KANK3: variants seen among roughly 807,000 people sequenced by gnomAD.
The protein encoded by KANK3 is KN motif and ankyrin repeat domain-containing protein 3.
KANK3 carries 61 observed loss-of-function variants against 65.4 expected under a neutral mutation model. The observed-to-expected ratio is 0.93, with a 90% CI of 0.76 to 1.15. The LOEUF is 1.15. Among genes scored for constraint, KANK3 ranks in the 50% most tolerant of loss-of-function variants. KANK3 has a pLI of 0.00. For missense variants in KANK3, 1,187 were observed against 1,178.8 expected (o/e 1.01, Z -0.10); for synonymous variants, 586 against 543.3 (o/e 1.08, Z -1.09).
rs1970567671 is a variant in KANK3, at chr19:8,333,513, G to C, written c.1719+211C>G. 6.6e-6 allele frequency among the ~76,000 whole-genome samples: 1 copy of C among 152,242 alleles called. No individual in the cohort carries two copies. The highest frequency in any genetic ancestry group is 1.5e-5 in the Non-Finnish European group (1 of 68,036). ...AAGGCAATGAACGCTTGCCCTTGGGGAGTCCGGGAGTGGGGCTGGGGCCGG... is the reference window on the plus strand; with the variant it reads ...AAGGCAATGAACGCTTGCCCTTGGGCAGTCCGGGAGTGGGGCTGGGGCCGG... On this transcript the variant is annotated intron_variant, in intron 6 of 10. Transcript: ENST00000330915. This position sits in a 1 kb window ranked among gnomAD's most constrained non-coding sequence, Gnocchi z 5.0.
rs560711947 is a variant in KANK3, at chr19:8,324,485, T to C, written c.2346A>G (p.Leu782=). 1 of 1,611,856 alleles carries C rather than the reference T, an allele frequency of 6.2e-7. No homozygotes were observed. The highest frequency in any genetic ancestry group is 2.2e-5 in the East Asian group (1 of 44,732). ...EAEQDEVAAL[L]HAHLSSGQPD... ...GCTGGCCCGAGCTCAGGTGGGCATG[T>C]AGCAGAGCGGCCACCTCATCCTGCT... The change falls in exon 10 of 11, where the codon CTA becomes CTG. Residue 782 remains leucine (L), a synonymous_variant. Coordinates refer to ENST00000330915, the MANE Select transcript of KANK3 (RefSeq NM_198471.3).
chr19:8,322,630 T>C lies in KANK3; in HGVS notation c.*209A>G, dbSNP rs1029965591. 1 of 592,538 alleles carries C rather than the reference T, an allele frequency of 1.7e-6. No homozygotes were observed. The highest frequency in any genetic ancestry group is 1.9e-5 in the African/African-American group (1 of 53,612). The allele number at this position is 592,538 out of a possible 1,614,324, so 36.7% of individuals were successfully genotyped here. ...AAAGAAGTTTCAGAGAGTGGGTGGA[T>C]CAGGGCTCTATCACTTGGTCCCCAC... is the stretch of plus-strand genomic sequence containing the variant. On this transcript the variant is annotated 3_prime_UTR_variant, in exon 11 of 11. Transcript: ENST00000330915.
rs774834269 is a variant in KANK3, at chr19:8,335,710, G to T, written c.117C>A (p.Pro39=). The T allele has an allele frequency of 5.6e-6, 7 of 1,251,904 alleles. No individual in the cohort carries two copies. The highest frequency in any genetic ancestry group is 1.5e-5 in the African/African-American group (1 of 64,518). The allele number at this position is 1,251,904 out of a possible 1,614,324, so 77.5% of individuals were successfully genotyped here. A position where few individuals can be genotyped will look rare whatever the true frequency, so the allele number is the denominator to read the frequency against. ...AGTCCAGGTCCAGGTGGAAGCCGTA[G>T]GGCGTCTCCACCGAGTAGGGCGAGC... ...SPSSPYSVET[P]YGFHLDLDFL... Residue 39 remains proline (P), a synonymous_variant, in exon 3 of 11, where the codon CCC becomes CCA. Coordinates refer to ENST00000330915, the MANE Select transcript of KANK3 (RefSeq NM_198471.3).
At position 8,334,574 on chromosome 19, in the gene KANK3, G is replaced by A. The variant is rs185143796; in HGVS notation, c.1253C>T (p.Pro418Leu). The change falls in exon 3 of 11, where the codon CCG becomes CTG. Residue 418 changes from proline to leucine, a missense_variant. Coordinates refer to ENST00000330915, the MANE Select transcript of KANK3 (RefSeq NM_198471.3). ...CAEKAAQTES[P>L]AEAPSLTQES... Reference sequence around the variant, plus strand: ...CTGAGTCAAGGAGGGCGCCTCTGCCGGGGACTCGGTCTGCGCGGCCTTTTC... The same window carrying A: ...CTGAGTCAAGGAGGGCGCCTCTGCCAGGGACTCGGTCTGCGCGGCCTTTTC... 145 of 1,596,964 alleles carry A rather than the reference G, an allele frequency of 9.1e-5. No individual in the cohort carries two copies. In the African/African-American group the frequency reaches 1.5e-3, roughly 17 times the overall value.
intron 1 of KANK3, 107 bp from the exon 2 acceptor site, chr19:8,337,963 G>A (rs967305716): frequency 1.4e-6 from 2 of 1,384,746 alleles, no homozygotes; most frequent in African/African-American, 3.1e-5. Context: ...CCTCCACCCA[G>A]CCACCTCCCT....
intron 7 of KANK3, among the ~76,000 whole-genome samples, 200 bp from the exon 8 acceptor site, chr19:8,325,296 CTTTT>C (rs573315741): frequency 5.3e-4 from 42 of 78,630 alleles, no homozygotes; most frequent in African/African-American, 1.7e-3. Flanking sequence ...CCTGTTTCAT[CTTTT>C]TTTTTTTTTT....
intron 1 of KANK3, 35 bp downstream of exon 1, chr19:8,343,190 T>TC (rs916041018): frequency 1.3e-5 from 2 of 151,080 alleles, no homozygotes; most frequent in African/African-American, 4.9e-5. Context: ...CACCCAGGGG[T>TC]CCCCCATCCG....
In KANK3 at chr19:8,333,259, CG is replaced by C. The variant is rs1568574691; in HGVS notation, c.1720-30del. 5.1e-6 allele frequency: 8 copies of C among 1,566,630 alleles called. No homozygotes were observed. Among genetic ancestry groups the C allele is most frequent in the Non-Finnish European group, 7.0e-6 (8 of 1,148,970 alleles). ...CAAGGGACAGGGGCCAAGATAACAT[CG>C]GCGATGGTCCACGGCGGCGCCGTGG... is the stretch of plus-strand genomic sequence containing the variant. On this transcript the variant is annotated intron_variant, in intron 6 of 10. Transcript: ENST00000330915. The surrounding 1 kb of genome is among the most constrained non-coding windows in gnomAD (Gnocchi z 5.0).
Position 8,333,886 on chromosome 19 carries a change from A to G in KANK3, c.1634+24T>C. 1 of 1,567,112 alleles carries G rather than the reference A, an allele frequency of 6.4e-7. No homozygotes were observed. Among genetic ancestry groups the G allele is most frequent in the South Asian group, 1.2e-5 (1 of 85,618 alleles). On this transcript the variant is annotated intron_variant, in intron 5 of 10. Transcript: ENST00000330915. This position sits in a 1 kb window ranked among gnomAD's most constrained non-coding sequence, Gnocchi z 5.0. Reference sequence around the variant, plus strand: ...GGAGGAGGGCAGCCGCCTCCTCTCCAAACAACTAGCGAGCGCCGCTCACCT... The same window carrying G: ...GGAGGAGGGCAGCCGCCTCCTCTCCGAACAACTAGCGAGCGCCGCTCACCT...
chr19:8,341,527 C>T (rs1009932045), intron 1 of KANK3, among the ~76,000 whole-genome samples: 4 of 152,190 alleles, frequency 2.6e-5, no homozygotes, highest in African/African-American at 9.6e-5. Flanking sequence ...TCTCCTGCCT[C>T]AGCCTCCCAA....
At chr19:8,341,524 C>A (rs1189062259) in intron 1 of KANK3, among the ~76,000 whole-genome samples, 1 of 152,142 alleles carries the variant, frequency 6.6e-6, no homozygotes, top group African/African-American at 2.4e-5. Context: ...GATTCTCCTG[C>A]CTCAGCCTCC....
At position 8,324,470 on chromosome 19, in the gene KANK3, G is replaced by T; in HGVS notation, c.2361C>A (p.Ser787Arg). The change falls in exon 10 of 11, where the codon AGC (serine) becomes AGA (arginine). Residue 787 changes from serine (S) to arginine (R), a missense_variant. This residue lies in a region of KANK3 where 1,078 missense variants were observed against 1,038.2 expected (regional missense o/e 1.04). Transcript: ENST00000330915. ...TCACCTGGGTGTCGGGCTGGCCCGA[G>T]CTCAGGTGGGCATGTAGCAGAGCGG... ...EVAALLHAHL[S>R]SGQPDTQSES... 1 of 1,608,958 alleles carries T rather than the reference G, an allele frequency of 6.2e-7. No homozygotes were observed. The highest frequency in any genetic ancestry group is 1.7e-5 in the Admixed American group (1 of 59,114).
At chr19:8,337,428 C>T (rs1226298098) in intron 2 of KANK3, among the ~76,000 whole-genome samples, 2 of 152,124 alleles carry the variant, frequency 1.3e-5, no homozygotes, top group Non-Finnish European at 1.5e-5. Context: ...GTCTTGACCT[C>T]CTGACCTTGT....
At chr19:8,327,740 G>A (rs572274678) in intron 7 of KANK3, among the ~76,000 whole-genome samples, 3 of 152,232 alleles carry the variant, frequency 2.0e-5, no homozygotes, top group African/African-American at 7.2e-5. Flanking sequence ...GCTGCATCAC[G>A]CCACTACACC....
intron 7 of KANK3, among the ~76,000 whole-genome samples, chr19:8,328,195 T>C (rs974169277): frequency 6.6e-6 from 1 of 152,044 alleles, no homozygotes; most frequent in African/African-American, 2.4e-5. Context: ...GGAGGATCAA[T>C]TAGGCCCAGG....
chr19:8,330,811 TA>T (rs1397201125), intron 7 of KANK3, among the ~76,000 whole-genome samples: 2 of 148,798 alleles, frequency 1.3e-5, no homozygotes, highest in Admixed American at 1.3e-4. Flanking sequence ...GGCTGAGACA[TA>T]AGAATCACTT....
chr19:8,340,291 T>TATATACAC (rs1472181365), intron 1 of KANK3, among the ~76,000 whole-genome samples: 1 of 92,870 alleles, frequency 1.1e-5, no homozygotes, highest in Non-Finnish European at 2.1e-5. Context: ...TATATATATA[T>TATATACAC]ACACACACAC....
intron 10 of KANK3, among the ~76,000 whole-genome samples, chr19:8,323,946 T>TG (rs1970371909): frequency 6.6e-6 from 1 of 152,226 alleles, no homozygotes; most frequent in South Asian, 2.1e-4. Flanking sequence ...CCCTGCCTGA[T>TG]GCCAAAGGGC....
At chr19:8,343,064 T>C (rs1599656743) in intron 1 of KANK3, among the ~76,000 whole-genome samples, 161 bp downstream of exon 1, 1 of 152,154 alleles carries the variant, frequency 6.6e-6, no homozygotes, top group African/African-American at 2.4e-5. Context: ...GGACTTCCAA[T>C]GTGGGAGGGG....
Sources: allele counts gnomAD v4.1 joint callset (sites outside exome capture counted in the v4.1 genomes callset), GRCh38; gene constraint gnomAD v4.1.1; regional missense constraint gnomAD v4.1.1; non-coding constraint Gnocchi (gnomAD v3.1); transcripts MANE v1.5; gene names NCBI Gene and HGNC (gene_info 2026-07-23, HGNC 2026-07-21).